The following KCTD9 variants were observed in gnomAD, a reference collection of about 807,000 sequenced individuals.
KCTD9 encodes the protein BTB/POZ domain-containing protein KCTD9.
Under a neutral mutation model 53.3 loss-of-function variants are expected in KCTD9, and 17 were observed. The observed-to-expected ratio is 0.32, with a 90% CI of 0.22 to 0.48. The LOEUF is 0.48. Ranked by LOEUF, KCTD9 falls within the 20% of genes least tolerant of loss-of-function variation. The pLI, the probability that KCTD9 is intolerant of heterozygous loss-of-function variation, is 0.99. For missense variants in KCTD9, 179 were observed against 465.5 expected (o/e 0.38, Z 5.66); for synonymous variants, 128 against 162.7 (o/e 0.79, Z 1.62).
At chr8:25,451,403 A>T (rs1044365188) in intron 1 of KCTD9, 1 of 152,184 alleles carries the variant, frequency 6.6e-6, no homozygotes, top group African/African-American at 2.4e-5. Flanking sequence ...ATATACTAAG[A>T]TTGTTTTTGT....
Position 25,429,812 on chromosome 8 carries a change from G to A in KCTD9, c.*45C>T. ...TGGGTGGAGAAAGAAAAGTGATAAGGAAAACATTTTCATCTTTTACATCTT... is the reference window on the plus strand; with the variant it reads ...TGGGTGGAGAAAGAAAAGTGATAAGAAAAACATTTTCATCTTTTACATCTT... On this transcript the variant is annotated 3_prime_UTR_variant, in exon 12 of 12. Coordinates refer to ENST00000221200, the MANE Select transcript of KCTD9 (RefSeq NM_017634.4). 1.1e-6 allele frequency: 1 copy of A among 947,766 alleles called. No individual in the cohort carries two copies. The highest frequency in any genetic ancestry group is 1.3e-5 in the South Asian group (1 of 76,726). 58.7% of individuals were successfully genotyped at this position (947,766 alleles called of 1,614,324 possible). A position where few individuals can be genotyped will look rare whatever the true frequency, so the allele number is the denominator to read the frequency against.
chr8:25,447,331 G>A (rs551370513), intron 1 of KCTD9, among the ~76,000 whole-genome samples: 15 of 152,248 alleles, frequency 9.9e-5, no homozygotes, highest in African/African-American at 2.9e-4. Flanking sequence ...AGGTTGCAGT[G>A]AGCCAAGGTT....
chr8:25,446,419 T>A (rs1211396931), intron 1 of KCTD9, among the ~76,000 whole-genome samples, 169 bp from the exon 2 acceptor site: 1 of 152,166 alleles, frequency 6.6e-6, no homozygotes, highest in Non-Finnish European at 1.5e-5. Context: ...ATTCACTTGG[T>A]GCCTAATATT....
At chr8:25,444,511 T>C (rs1802180697) in intron 2 of KCTD9, among the ~76,000 whole-genome samples, 176 bp from the exon 3 acceptor site, 1 of 152,160 alleles carries the variant, frequency 6.6e-6, no homozygotes, top group African/African-American at 2.4e-5. Flanking sequence ...TTAACTGTCT[T>C]TGAATTTAAA....
At chr8:25,435,784 G>A (rs767884128) in intron 8 of KCTD9, among the ~76,000 whole-genome samples, 2 of 152,110 alleles carry the variant, frequency 1.3e-5, no homozygotes, top group African/African-American at 2.4e-5. Context: ...AGGGATCCCT[G>A]TTAGTCCTAT....
chr8:25,432,799 AAG>A (rs1801954138), intron 10 of KCTD9, 162 bp from the exon 11 acceptor site: 1 of 192,920 alleles, frequency 5.2e-6, no homozygotes, highest in Admixed American at 6.5e-5. Context: ...TTACTGATGA[AAG>A]AATGCTTTCA....
At chr8:25,455,165 C>T (rs1320735946) in intron 1 of KCTD9, among the ~76,000 whole-genome samples, 1 of 152,038 alleles carries the variant, frequency 6.6e-6, no homozygotes, top group African/African-American at 2.4e-5. Context: ...GCAGAGGTTG[C>T]AGTGAGCTGA....
chr8:25,452,055 A>T (rs1802330191), intron 1 of KCTD9, among the ~76,000 whole-genome samples: 1 of 152,248 alleles, frequency 6.6e-6, no homozygotes, highest in African/African-American at 2.4e-5. Context: ...TGTAATATAC[A>T]ATACACATAA....
In KCTD9 at chr8:25,435,529, C is replaced by A; in HGVS notation, c.664-17G>T. On this transcript the variant is annotated splice_polypyrimidine_tract_variant and intron_variant, in intron 8 of 11. Transcript: ENST00000221200. The stretch of plus-strand genomic sequence containing the variant: ...GTTCAAACCCTGAAATAAAAAAGCA[C>A]AAATTGTCACCATAACTAAATCGTC... 1 of 1,578,948 alleles carries A rather than the reference C, an allele frequency of 6.3e-7. No homozygotes were observed. Among genetic ancestry groups the A allele is most frequent in the Non-Finnish European group, 8.6e-7 (1 of 1,164,286 alleles).
At chr8:25,454,688 G>C (rs1223714994) in intron 1 of KCTD9, among the ~76,000 whole-genome samples, 2 of 152,180 alleles carry the variant, frequency 1.3e-5, no homozygotes, top group African/African-American at 4.8e-5. Context: ...AAAGATTCCA[G>C]TGATTAGAAC....
At chr8:25,455,230 A>T (rs145073209) in intron 1 of KCTD9, among the ~76,000 whole-genome samples, 8,179 of 151,748 alleles carry the variant, frequency 0.054, 740 homozygotes, top group African/African-American at 0.19. Flanking sequence ...GTCTCAAAAA[A>T]TAATAATAAT....
intron 6 of KCTD9, among the ~76,000 whole-genome samples, chr8:25,436,769 T>C (rs562457059): frequency 3.3e-5 from 5 of 151,628 alleles, no homozygotes; most frequent in African/African-American, 1.2e-4. Flanking sequence ...TAAAAGAGCT[T>C]TCATTTATCA....
At chr8:25,439,966 C>T (rs1802088019) in intron 4 of KCTD9, among the ~76,000 whole-genome samples, 1 of 152,070 alleles carries the variant, frequency 6.6e-6, no homozygotes, top group African/African-American at 2.4e-5. Context: ...CATTTTTCTG[C>T]CCTTTAATAA....
At chr8:25,458,087 G>C in intron 1 of KCTD9, 112 bp downstream of exon 1, 1 of 1,072,808 alleles carries the variant, frequency 9.3e-7, no homozygotes, top group South Asian at 1.5e-5. Flanking sequence ...GCCCGCGCAC[G>C]CCCACCTCCC....
In KCTD9 at chr8:25,439,593, G is replaced by C; in HGVS notation, c.370+13C>G. 6.2e-7 allele frequency: 1 copy of C among 1,613,528 alleles called. No individual in the cohort carries two copies. On this transcript the variant is annotated intron_variant, in intron 5 of 11. Coordinates refer to ENST00000221200, the MANE Select transcript of KCTD9 (RefSeq NM_017634.4). ...AGGTAAGATGAAATGTGAAAACAAC[G>C]TGTTACACTCACCTTTGTCCTTAAA...
intron 1 of KCTD9, among the ~76,000 whole-genome samples, chr8:25,453,314 G>A (rs1205753319): frequency 8.7e-5 from 13 of 150,150 alleles, no homozygotes; most frequent in South Asian, 2.1e-4. Context: ...CCAAGATCGC[G>A]CCACTGCACT....
At chr8:25,448,372 C>A (rs1802255128) in intron 1 of KCTD9, among the ~76,000 whole-genome samples, 1 of 151,982 alleles carries the variant, frequency 6.6e-6, no homozygotes, top group African/African-American at 2.4e-5. Context: ...TAAAGGTTAC[C>A]AAGGCATAGA....
chr8:25,440,652 G>C lies in KCTD9; in HGVS notation c.236C>G (p.Pro79Arg), dbSNP rs369679758. 1.9e-6 allele frequency: 3 copies of C among 1,609,090 alleles called. No individual in the cohort carries two copies. In the African/African-American group the frequency reaches 4.0e-5, roughly 22 times the overall value. ...PFIDPQTDSK[P>R]PEGLLGFHTD... is the part of the protein sequence containing the mutation. ...GTGGAATCCTAACAATCCCTCAGGA[G>C]GCTTAGAATCTGTCTGAGGATCTAG... The change falls in exon 4 of 12, where the codon CCT becomes CGT. Residue 79 changes from proline to arginine, a missense_variant. Around this residue, in one of 4 missense-constraint regions of KCTD9, gnomAD observed 115 missense variants for 250.9 expected, o/e 0.46. Transcript: ENST00000221200.
intron 1 of KCTD9, among the ~76,000 whole-genome samples, chr8:25,454,431 G>A (rs984645256): frequency 1.3e-5 from 2 of 149,736 alleles, no homozygotes; most frequent in Non-Finnish European, 1.5e-5. Flanking sequence ...AGTAAAAAAA[G>A]CACTCTGTGT....
Sources: allele counts gnomAD v4.1 joint callset (sites outside exome capture counted in the v4.1 genomes callset), GRCh38; gene constraint gnomAD v4.1.1; regional missense constraint gnomAD v4.1.1; transcripts MANE v1.5; gene names NCBI Gene and HGNC (gene_info 2026-07-23, HGNC 2026-07-21).